The following SEMA3D variants were observed in gnomAD, a reference collection of about 807,000 sequenced individuals.
The protein encoded by SEMA3D is semaphorin 3D, also known as semaphorin-3D.
In SEMA3D, 84 loss-of-function variants were observed where a neutral mutation model predicts 100.1. That is an observed-to-expected ratio of 0.84 (90% CI 0.70 to 1.01). SEMA3D has a LOEUF of 1.01. Ranked by LOEUF, SEMA3D falls within the 50% of genes least tolerant of loss-of-function variation. The pLI is 0.00. For missense variants in SEMA3D, 875 were observed against 934.1 expected (o/e 0.94, Z 0.82); for synonymous variants, 312 against 320.7 (o/e 0.97, Z 0.29).
At chr7:85,195,303 C>T in the SEMA3D span, among the ~76,000 whole-genome samples, 1 of 152,266 alleles carries the variant, frequency 6.6e-6, no homozygotes, top group South Asian at 2.1e-4. Flanking sequence ...CTAGCAGCCT[C>T]ACAGTTGTAC....
intron 4 of SEMA3D, among the ~76,000 whole-genome samples, chr7:85,086,294 G>A (rs758894445): frequency 4.6e-5 from 7 of 151,828 alleles, no homozygotes; most frequent in African/African-American, 7.3e-5. Context: ...ATGATTTGTG[G>A]TGGATTTTTT....
chr7:85,025,206 G>C (rs1227219454), intron 12 of SEMA3D, among the ~76,000 whole-genome samples: 1 of 151,976 alleles, frequency 6.6e-6, no homozygotes, highest in Non-Finnish European at 1.5e-5. Context: ...TCCTAGGAGA[G>C]TAGGAAATAA....
chr7:85,072,582 A>G (rs554969181), intron 6 of SEMA3D, among the ~76,000 whole-genome samples: 1 of 152,334 alleles, frequency 6.6e-6, no homozygotes, highest in Admixed American at 6.5e-5. Context: ...ATTAATTTTG[A>G]TCATCCTGCT....
chr7:85,168,850 AAAGAAAGAAAGAAAG>A (rs1790997458), intron 1 of SEMA3D, among the ~76,000 whole-genome samples: 3 of 111,284 alleles, frequency 2.7e-5, no homozygotes, highest in Non-Finnish European at 3.9e-5. Flanking sequence ...AGAAAGAAAG[AAAGAAAGAAAGAAAG>A]AAAGAAAGAA....
chr7:85,169,933 T>C (rs1791040899), intron 1 of SEMA3D, among the ~76,000 whole-genome samples: 1 of 151,786 alleles, frequency 6.6e-6, no homozygotes, highest in Admixed American at 6.6e-5. Context: ...TTTATTTTGA[T>C]GTGTGAATGT....
chr7:85,027,993 A>G (rs1298275530), intron 12 of SEMA3D: 1 of 572,686 alleles, frequency 1.7e-6, no homozygotes, highest in Non-Finnish European at 3.4e-6. Flanking sequence ...TGATACTCCA[A>G]ATAATCAAGT....
At chr7:85,234,315 C>G in the SEMA3D span, among the ~76,000 whole-genome samples, 1 of 152,314 alleles carries the variant, frequency 6.6e-6, no homozygotes, top group East Asian at 1.9e-4. Flanking sequence ...ACTGGATGCA[C>G]CTTCAGTAAA....
intron 1 of SEMA3D, among the ~76,000 whole-genome samples, chr7:85,161,245 T>A (rs1013464345): frequency 6.6e-6 from 1 of 152,166 alleles, no homozygotes; most frequent in Non-Finnish European, 1.5e-5. Context: ...AGAAGGGAAC[T>A]AAATAAAATC....
At chr7:85,067,599 C>T (rs994286856) in intron 7 of SEMA3D, among the ~76,000 whole-genome samples, 1 of 152,150 alleles carries the variant, frequency 6.6e-6, no homozygotes, top group Non-Finnish European at 1.5e-5. Flanking sequence ...GTCTTGCTGA[C>T]ATTCCTTGGA....
intron 9 of SEMA3D, among the ~76,000 whole-genome samples, chr7:85,055,400 G>A (rs1791279360): frequency 6.6e-6 from 1 of 151,810 alleles, no homozygotes; most frequent in Admixed American, 6.6e-5. Flanking sequence ...AAAGAAATAA[G>A]CTGCCAAAGA....
At chr7:85,074,350 T>A (rs114604130) in intron 5 of SEMA3D, among the ~76,000 whole-genome samples, 3,993 of 152,012 alleles carry the variant, frequency 0.026, 163 homozygotes, top group African/African-American at 0.09. Context: ...AACAAACAAA[T>A]AAATAAAAAA....
chr7:85,210,111 C>A, the SEMA3D span, among the ~76,000 whole-genome samples: 1 of 152,080 alleles, frequency 6.6e-6, no homozygotes, highest in South Asian at 2.1e-4. Context: ...AGGCTCTAAA[C>A]AACACCCATG....
At chr7:85,203,069 T>A in the SEMA3D span, among the ~76,000 whole-genome samples, 1 of 152,202 alleles carries the variant, frequency 6.6e-6, no homozygotes, top group Admixed American at 6.5e-5. Flanking sequence ...TGGAAGTAGA[T>A]GATTTGTCAT....
At chr7:85,187,728 C>T (rs1791601004), upstream of SEMA3D, among the ~76,000 whole-genome samples, 1 of 152,122 alleles carries the variant, frequency 6.6e-6, no homozygotes. Flanking sequence ...AACCTGGATC[C>T]TATGCAATTG....
chr7:85,134,463 G>A (rs1789803993), intron 2 of SEMA3D, among the ~76,000 whole-genome samples: 1 of 151,940 alleles, frequency 6.6e-6, no homozygotes, highest in Admixed American at 6.6e-5. Flanking sequence ...TTCAAAACAT[G>A]AGTTGTTATA....
intron 4 of SEMA3D, among the ~76,000 whole-genome samples, chr7:85,092,193 G>A (rs1788413879): frequency 6.6e-6 from 1 of 151,996 alleles, no homozygotes; most frequent in Non-Finnish European, 1.5e-5. Flanking sequence ...ACAACATGTA[G>A]TTGTTTTCCT....
chr7:85,013,478 A>G (rs541307639), intron 16 of SEMA3D, among the ~76,000 whole-genome samples: 1 of 151,888 alleles, frequency 6.6e-6, no homozygotes, highest in South Asian at 2.1e-4. Flanking sequence ...ATCACATCAC[A>G]TATTTTCCTT....
chr7:85,140,520 T>C (rs1438434302), intron 2 of SEMA3D: 21 of 983,986 alleles, frequency 2.1e-5, no homozygotes, highest in Non-Finnish European at 2.5e-5. Flanking sequence ...CTGTTGATCA[T>C]AGTCACTTCA....
the SEMA3D span, among the ~76,000 whole-genome samples, chr7:85,230,434 T>C: frequency 6.6e-6 from 1 of 152,192 alleles, no homozygotes; most frequent in African/African-American, 2.4e-5. Flanking sequence ...ATCCTCAGTG[T>C]TTACAGTTCC....
Sources: gnomAD v4.1 joint callset for allele counts (sites outside exome capture counted in the v4.1 genomes callset) on GRCh38, gnomAD v4.1.1 for gene constraint, MANE v1.5 for transcripts, NCBI Gene and HGNC (gene_info 2026-07-23, HGNC 2026-07-21) for gene names.